Variants in DPY19L1 observed in about 807,000 individuals in gnomAD.
The protein encoded by DPY19L1 is protein C-mannosyl-transferase DPY19L1.
In DPY19L1, 35 loss-of-function variants were observed where a neutral mutation model predicts 96.9. The ratio of observed to expected loss-of-function variants is 0.36; its 90% confidence interval spans 0.28 to 0.48. The LOEUF (loss-of-function observed/expected upper bound fraction) is 0.48, where lower values mean the gene tolerates loss of function less well. DPY19L1 is among the 20% of genes least tolerant of loss of function. The probability of loss-of-function intolerance (pLI) is 0.99; values close to 1 mark genes in which losing one functional copy is unlikely to be tolerated. For synonymous variants in DPY19L1, 205 were observed against 252.6 expected (o/e 0.81, Z 1.79); for missense variants, 521 against 777.9 (o/e 0.67, Z 3.93).
At chr7:35,010,649 T>C (rs553635594) in intron 5 of DPY19L1, 88 bp from the exon 6 acceptor site, 107 of 884,428 alleles carry the variant, frequency 1.2e-4, no homozygotes, top group East Asian at 3.4e-4. Flanking sequence ...TGTGTTCATT[T>C]TGAAAATGGT....
intron 21 of DPY19L1, among the ~76,000 whole-genome samples, chr7:34,937,515 A>G (rs1298646639): frequency 6.6e-6 from 1 of 152,228 alleles, no homozygotes; most frequent in East Asian, 1.9e-4. Flanking sequence ...AATATGAACA[A>G]TTTGGGAGAT....
At chr7:34,982,657 C>A (rs188223151) in intron 7 of DPY19L1, among the ~76,000 whole-genome samples, 30 of 152,334 alleles carry the variant, frequency 2.0e-4, no homozygotes, top group African/African-American at 6.7e-4. Context: ...TAAGGATCTG[C>A]CATAGGCAGA....
At chr7:34,990,121 T>A (rs1455838572) in intron 6 of DPY19L1, among the ~76,000 whole-genome samples, 180 bp from the exon 7 acceptor site, 1 of 152,240 alleles carries the variant, frequency 6.6e-6, no homozygotes, top group African/African-American at 2.4e-5. Flanking sequence ...GTCAAAATAA[T>A]CTTTTCTCAT....
At chr7:34,954,397 G>C (rs1253267711) in intron 13 of DPY19L1, 1 of 178,058 alleles carries the variant, frequency 5.6e-6, no homozygotes, top group Non-Finnish European at 1.2e-5. Flanking sequence ...TTACAAAGAA[G>C]CTAGAGAAAA....
chr7:34,991,208 C>G (rs903628231), intron 6 of DPY19L1, among the ~76,000 whole-genome samples: 1 of 152,172 alleles, frequency 6.6e-6, no homozygotes, highest in African/African-American at 2.4e-5. Context: ...TCTGAAATAC[C>G]ACTCACATTT....
intron 1 of DPY19L1, among the ~76,000 whole-genome samples, chr7:35,029,704 C>G (rs1340901582): frequency 6.6e-6 from 1 of 152,158 alleles, no homozygotes; most frequent in Non-Finnish European, 1.5e-5. Flanking sequence ...ACCCCAGAGA[C>G]TGACAGGTTG....
chr7:35,037,045 C>G (rs1401158169), intron 1 of DPY19L1, 52 bp downstream of exon 1: 1 of 207,486 alleles, frequency 4.8e-6, no homozygotes, highest in Non-Finnish European at 9.6e-6. Context: ...GGGGAGGGGG[C>G]CAGCGCCTCA....
chr7:34,959,638 C>T (rs1257047550), intron 10 of DPY19L1, among the ~76,000 whole-genome samples: 3 of 151,412 alleles, frequency 2.0e-5, no homozygotes, highest in Non-Finnish European at 4.4e-5. Flanking sequence ...ACTGCATGTC[C>T]TCACTCATAA....
intron 21 of DPY19L1, among the ~76,000 whole-genome samples, chr7:34,932,892 C>T (rs1200459025): frequency 6.6e-6 from 1 of 152,072 alleles, no homozygotes; most frequent in Non-Finnish European, 1.5e-5. Context: ...AAAAAATTCC[C>T]AAGTCCCTCT....
chr7:34,948,194 T>C lies in DPY19L1; in HGVS notation c.1423-493A>G, dbSNP rs149957632. 1.1e-4 allele frequency among the ~76,000 whole-genome samples: 16 copies of C among 152,232 alleles called. No individual in the cohort carries two copies. In the East Asian group the frequency reaches 3.1e-3, roughly 29 times the overall value. On this transcript the variant is annotated intron_variant, in intron 14 of 21. Coordinates refer to ENST00000638088, the MANE Select transcript of DPY19L1 (RefSeq NM_001366673.1). ...AGAAAAAAAATAGAAATAAGTTTAA[T>C]AACAAAGCCCTACACATTGTGAGCC... is the stretch of plus-strand genomic sequence containing the variant.
intron 20 of DPY19L1, 86 bp from the exon 21 acceptor site, chr7:34,938,205 G>C (rs1783914462): frequency 2.2e-6 from 3 of 1,376,922 alleles, no homozygotes; most frequent in Non-Finnish European, 3.0e-6. Context: ...AATTAGACTA[G>C]AAGACGATGA....
At chr7:35,007,932 T>C (rs1308333251) in intron 6 of DPY19L1, among the ~76,000 whole-genome samples, 1 of 152,072 alleles carries the variant, frequency 6.6e-6, no homozygotes, top group African/African-American at 2.4e-5. Flanking sequence ...TTCAACCCAG[T>C]CAGTTACCAA....
intron 6 of DPY19L1, among the ~76,000 whole-genome samples, chr7:35,009,663 C>T (rs1369780993): frequency 2.0e-5 from 3 of 152,114 alleles, no homozygotes; most frequent in South Asian, 2.1e-4. Context: ...AAACCATCTA[C>T]AGCCATTGAC....
intron 15 of DPY19L1, among the ~76,000 whole-genome samples, 193 bp from the exon 16 acceptor site, chr7:34,945,909 G>C (rs1311754281): frequency 6.6e-6 from 1 of 152,174 alleles, no homozygotes; most frequent in Non-Finnish European, 1.5e-5. Flanking sequence ...CAACAACCCT[G>C]TTGGGTAGAT....
intron 6 of DPY19L1, among the ~76,000 whole-genome samples, chr7:35,010,137 G>GGA (rs34275364): frequency 0.054 from 8,151 of 152,084 alleles, 297 homozygotes; most frequent in Middle Eastern, 0.18. Flanking sequence ...GGCTGAAGTG[G>GGA]GAGGATCGCT....
chr7:34,938,000 C>A lies in DPY19L1; in HGVS notation c.2084G>T (p.Arg695Ile), dbSNP rs200311128. The A allele has an allele frequency of 1.3e-4, 210 of 1,612,824 alleles. No individual in the cohort carries two copies. The highest frequency in any genetic ancestry group is 6.9e-5 in the Non-Finnish European group (81 of 1,179,638). The change falls in exon 21 of 22, where the codon AGA becomes ATA. Residue 695 changes from arginine to isoleucine, a missense_variant. By Grantham distance (97) the Arg-to-Ile change is moderately conservative. Coordinates refer to ENST00000638088, the MANE Select transcript of DPY19L1 (RefSeq NM_001366673.1). ...TAACTGTGTTGATACTCACTTGGATCTTCTTACACACCATGACTCTTCTAG... is the reference window on the plus strand; with the variant it reads ...TAACTGTGTTGATACTCACTTGGATATTCTTACACACCATGACTCTTCTAG... ...YILEESWCVR[R>I]SKPGCSMPEI... is the part of the protein sequence containing the mutation.
At chr7:35,037,620 C>G (rs940052560), upstream of DPY19L1, 1 of 231,414 alleles carries the variant, frequency 4.3e-6, no homozygotes, top group East Asian at 8.9e-5. Context: ...CTTGCTAGCC[C>G]GCCGCCGTTG....
chr7:34,933,736 C>A (rs921054315), intron 21 of DPY19L1, among the ~76,000 whole-genome samples: 3 of 152,148 alleles, frequency 2.0e-5, no homozygotes, highest in African/African-American at 4.8e-5. Context: ...ACATCAGACT[C>A]CAAGTTCTTC....
chr7:34,959,919 A>T (rs201352398), intron 10 of DPY19L1, among the ~76,000 whole-genome samples: 41 of 15,584 alleles, frequency 2.6e-3, no homozygotes, highest in East Asian at 3.3e-3. Flanking sequence ...ATATATATAT[A>T]TATATTTATA....
Sources: gnomAD v4.1 joint callset for allele counts (sites outside exome capture counted in the v4.1 genomes callset) on GRCh38, gnomAD v4.1.1 for gene constraint, MANE v1.5 for transcripts, NCBI Gene and HGNC (gene_info 2026-07-23, HGNC 2026-07-21) for gene names.